ANKRD29: variants seen among roughly 807,000 people sequenced by gnomAD.
ANKRD29 encodes the protein ankyrin repeat domain-containing protein 29.
A neutral mutation model predicts 38.0 loss-of-function variants in ANKRD29; 32 were observed. That is an observed-to-expected ratio of 0.84 (90% confidence interval 0.64 to 1.13). The LOEUF (loss-of-function observed/expected upper bound fraction) is 1.13. ANKRD29 is among the 50% of genes most tolerant of loss of function. The pLI is 0.00. For missense variants in ANKRD29, 357 were observed against 377.9 expected (o/e 0.94, Z 0.46); for synonymous variants, 135 against 152.4 (o/e 0.89, Z 0.84).
intron 3 of ANKRD29, among the ~76,000 whole-genome samples, chr18:23,639,605 G>C (rs1235689312): frequency 6.7e-6 from 1 of 149,850 alleles, no homozygotes; most frequent in African/African-American, 2.5e-5. Flanking sequence ...GTGCCATCTC[G>C]GCTCACTGCA....
At chr18:23,633,206 C>T (rs1172316908) in intron 5 of ANKRD29, among the ~76,000 whole-genome samples, 1 of 152,188 alleles carries the variant, frequency 6.6e-6, no homozygotes, top group Non-Finnish European at 1.5e-5. Flanking sequence ...TACTAATTGA[C>T]AGTTAGCTGC....
At chr18:23,629,795 C>G (rs2059906149) in intron 6 of ANKRD29, 58 bp downstream of exon 6, 5 of 1,461,460 alleles carry the variant, frequency 3.4e-6, no homozygotes, top group Non-Finnish European at 4.8e-6. Flanking sequence ...CAGCGGACAC[C>G]CAGCCCTCCC....
intron 8 of ANKRD29, among the ~76,000 whole-genome samples, chr18:23,617,047 C>T (rs1425633938): frequency 3.3e-5 from 5 of 151,880 alleles, no homozygotes; most frequent in African/African-American, 9.7e-5. Context: ...GGTGAAACCC[C>T]GTCTCTACTA....
At chr18:23,616,593 T>TAC (rs1186428831) in intron 8 of ANKRD29, among the ~76,000 whole-genome samples, 14 of 141,672 alleles carry the variant, frequency 9.9e-5, no homozygotes, top group Admixed American at 2.2e-4. Context: ...TATATATATA[T>TAC]ACTATATATA....
Position 23,617,749 on chromosome 18 carries a change from T to C in ANKRD29, c.706A>G (p.Thr236Ala). 1.2e-6 allele frequency: 2 copies of C among 1,613,634 alleles called. No homozygotes were observed. Among genetic ancestry groups the C allele is most frequent in the Non-Finnish European group, 1.7e-6 (2 of 1,179,732 alleles). Residue 236 changes from threonine to alanine, a missense_variant, in exon 8 of 10, where the codon ACT (threonine) becomes GCT (alanine). Transcript: ENST00000592179. ...GGTCTTACCTTCAAAATACCAAGAG[T>C]GGGTGAGAATTTAAGCAACTCTTTT... ...VIKELLKFSP[T>A]LGILKNGTSA... is the part of the protein sequence containing the mutation.
Position 23,599,755 on chromosome 18 carries a change from G to T in ANKRD29, c.*1471C>A, listed in dbSNP as rs556210138. 6.6e-6 allele frequency: 1 copy of T among 152,270 alleles called. No individual in the cohort carries two copies. Among genetic ancestry groups the T allele is most frequent in the Non-Finnish European group, 1.5e-5 (1 of 68,006 alleles). 9.4% of individuals were successfully genotyped at this position (152,270 alleles called of 1,614,324 possible). On this transcript the variant is annotated 3_prime_UTR_variant, in exon 10 of 10. Coordinates refer to ENST00000592179, the MANE Select transcript of ANKRD29 (RefSeq NM_173505.4). ...CTGTAGGCACCTGTGGGGCCTGTGAGTTGCTCATTTGCTTGAGACATTTAT... is the reference window on the plus strand; with the variant it reads ...CTGTAGGCACCTGTGGGGCCTGTGATTTGCTCATTTGCTTGAGACATTTAT...
intron 9 of ANKRD29, among the ~76,000 whole-genome samples, chr18:23,603,823 A>G (rs1054868477): frequency 6.6e-6 from 1 of 151,836 alleles, no homozygotes; most frequent in African/African-American, 2.4e-5. Flanking sequence ...TCCATCTTGG[A>G]TGCTAATCTG....
At chr18:23,652,412 C>T (rs1016554366) in intron 1 of ANKRD29, among the ~76,000 whole-genome samples, 1 of 152,186 alleles carries the variant, frequency 6.6e-6, no homozygotes, top group African/African-American at 2.4e-5. Context: ...GTTCTGCCTC[C>T]TGTGGAATTC....
At chr18:23,653,247 C>T (rs1348297614) in intron 1 of ANKRD29, among the ~76,000 whole-genome samples, 2 of 152,064 alleles carry the variant, frequency 1.3e-5, no homozygotes, top group Admixed American at 6.6e-5. Flanking sequence ...GATAATTATT[C>T]CCATTTTTTC....
chr18:23,608,644 C>T (rs758120892), intron 9 of ANKRD29, among the ~76,000 whole-genome samples: 2 of 152,192 alleles, frequency 1.3e-5, no homozygotes, highest in African/African-American at 2.4e-5. Flanking sequence ...ACCTAACCAA[C>T]TCCATCTTGC....
rs1288245239 is a variant in ANKRD29 at position 23,619,618 on chromosome 18, C to T, written c.540G>A (p.Ala180=). 1 of 1,589,964 alleles carries T rather than the reference C, an allele frequency of 6.3e-7. No individual in the cohort carries two copies. Among genetic ancestry groups the T allele is most frequent in the South Asian group, 1.1e-5 (1 of 89,770 alleles). The change falls in exon 7 of 10, where the codon GCG becomes GCA. Residue 180 remains alanine, a synonymous_variant. Coordinates refer to ENST00000592179, the MANE Select transcript of ANKRD29 (RefSeq NM_173505.4). ...CCATCTGGGACGCGATCCACAGGGG[C>T]GCTGTCCCGTCCTGCGGGAAGAGGA... The part of the protein sequence containing the change: ...KVNQPRQDGT[A]PLWIASQMGH...
intron 3 of ANKRD29, among the ~76,000 whole-genome samples, chr18:23,640,808 T>A (rs2060063988): frequency 2.0e-5 from 3 of 152,164 alleles, no homozygotes. Context: ...ATACCACACC[T>A]TACCAGACAC....
At chr18:23,634,433 G>T (rs2145696332) in intron 4 of ANKRD29, among the ~76,000 whole-genome samples, 1 of 151,892 alleles carries the variant, frequency 6.6e-6, no homozygotes, top group East Asian at 1.9e-4. Context: ...GGGACTACAG[G>T]CGTGCACCAC....
At chr18:23,620,108 A>G (rs2059778220) in intron 6 of ANKRD29, among the ~76,000 whole-genome samples, 1 of 152,086 alleles carries the variant, frequency 6.6e-6, no homozygotes, top group Non-Finnish European at 1.5e-5. Flanking sequence ...AATGTTCACA[A>G]AATACACCCT....
chr18:23,630,577 C>T (rs1180849339), intron 5 of ANKRD29, among the ~76,000 whole-genome samples: 1 of 152,032 alleles, frequency 6.6e-6, no homozygotes, highest in African/African-American at 2.4e-5. Flanking sequence ...GCCAAGATTG[C>T]ATCACTGCAT....
chr18:23,650,150 C>A (rs776557584), intron 1 of ANKRD29, among the ~76,000 whole-genome samples: 1 of 151,564 alleles, frequency 6.6e-6, no homozygotes, highest in Non-Finnish European at 1.5e-5. Context: ...ACTGTTGGAT[C>A]GTTTTGTTTG....
At chr18:23,619,878 T>A in intron 6 of ANKRD29, 2 of 477,016 alleles carry the variant, frequency 4.2e-6, no homozygotes, top group South Asian at 7.1e-5. Context: ...TATTCAAATT[T>A]TGGCTTATAA....
chr18:23,617,693 C>G, intron 8 of ANKRD29, 39 bp downstream of exon 8: 1 of 1,561,540 alleles, frequency 6.4e-7, no homozygotes, highest in Non-Finnish European at 8.8e-7. Context: ...TTTCTAACCT[C>G]TCTCTTACAG....
chr18:23,650,726 T>C (rs1179906452), intron 1 of ANKRD29, among the ~76,000 whole-genome samples: 2 of 152,208 alleles, frequency 1.3e-5, no homozygotes, highest in Non-Finnish European at 2.9e-5. Context: ...AAGTTGACGG[T>C]ATTAAATGAT....
Sources: allele counts gnomAD v4.1 joint callset (sites outside exome capture counted in the v4.1 genomes callset), GRCh38; gene constraint gnomAD v4.1.1; transcripts MANE v1.5; gene names NCBI Gene and HGNC (gene_info 2026-07-23, HGNC 2026-07-21).